MAGI2: variants seen among roughly 807,000 people sequenced by gnomAD.
The protein encoded by MAGI2 is membrane-associated guanylate kinase, WW and PDZ domain-containing protein 2.
Under a neutral mutation model 133.3 loss-of-function variants are expected in MAGI2, and 35 were observed. The observed-to-expected ratio is 0.26, with a 90% CI of 0.20 to 0.35. The LOEUF (loss-of-function observed/expected upper bound fraction) is 0.35. Ranked by LOEUF, MAGI2 falls within the 10% of genes least tolerant of loss-of-function variation. The pLI is 1.00. For synonymous variants in MAGI2, 729 were observed against 710.6 expected (o/e 1.03, Z -0.41); for missense variants, 1,636 against 1,863.4 (o/e 0.88, Z 2.25).
intron 20 of MAGI2, among the ~76,000 whole-genome samples, chr7:78,091,436 T>A (rs1053912952): frequency 6.6e-6 from 1 of 152,122 alleles, no homozygotes; most frequent in Non-Finnish European, 1.5e-5. Flanking sequence ...AGAAATAAAT[T>A]TCTCTACTTT....
chr7:78,218,471 A>C lies in MAGI2; in HGVS notation c.2048-17278T>G, dbSNP rs113160873. ...GTGAAGGCAGGGGCCATGCTTGTTAATAATTGTATTGTTAACAAGCATATT... is the reference window on the plus strand; with the variant it reads ...GTGAAGGCAGGGGCCATGCTTGTTACTAATTGTATTGTTAACAAGCATATT... On this transcript the variant is annotated intron_variant, in intron 10 of 21. Transcript: ENST00000354212. Among the ~76,000 whole-genome samples, 1,055 of 152,376 alleles carry C rather than the reference A, an allele frequency of 6.9e-3. 14 individuals carry two copies. Among genetic ancestry groups the C allele is most frequent in the Non-Finnish European group, 9.6e-3 (650 of 68,032 alleles).
intron 1 of MAGI2, among the ~76,000 whole-genome samples, chr7:79,451,996 A>G (rs2129208937): frequency 6.6e-6 from 1 of 152,240 alleles, no homozygotes; most frequent in East Asian, 1.9e-4. Flanking sequence ...AAAGACAGGG[A>G]GTTCTGGATG....
In MAGI2 at chr7:78,027,127, C is replaced by T. The variant is rs1011549980; in HGVS notation, c.3707-7151G>A. On this transcript the variant is annotated intron_variant, in intron 21 of 21. Transcript: ENST00000354212. ...TCTACAAACTCAGCTGAAACACTGA[C>T]GCTGAATGTCTTTACTGTCTGCTAG... Among the ~76,000 whole-genome samples, 5 of 152,160 alleles carry T rather than the reference C, an allele frequency of 3.3e-5. No individual in the cohort carries two copies. The South Asian group carries it at 6.2e-4, about 19-fold the overall frequency.
intron 20 of MAGI2, among the ~76,000 whole-genome samples, chr7:78,092,099 C>T (rs1211611836): frequency 2.6e-5 from 4 of 152,156 alleles, no homozygotes; most frequent in Non-Finnish European, 5.9e-5. Context: ...TCAGTGGGAT[C>T]ACCAATGTCC....
At chr7:78,415,208 T>G (rs1798191503) in intron 6 of MAGI2, among the ~76,000 whole-genome samples, 2 of 152,084 alleles carry the variant, frequency 1.3e-5, no homozygotes, top group Non-Finnish European at 2.9e-5. Flanking sequence ...CATAATTAAT[T>G]GATTTGGTAC....
chr7:78,802,545 A>G (rs1456522872), intron 2 of MAGI2, among the ~76,000 whole-genome samples: 1 of 152,174 alleles, frequency 6.6e-6, no homozygotes, highest in Non-Finnish European at 1.5e-5. Flanking sequence ...TCCCAGCTAA[A>G]CTAAGGGAAA....
intron 1 of MAGI2, among the ~76,000 whole-genome samples, chr7:79,045,754 T>C (rs1227805019): frequency 6.6e-6 from 1 of 152,128 alleles, no homozygotes; most frequent in Non-Finnish European, 1.5e-5. Flanking sequence ...ATCACGCCAC[T>C]GCACTCCAGC....
chr7:78,361,125 G>T (rs777694389), intron 7 of MAGI2, among the ~76,000 whole-genome samples: 2 of 152,170 alleles, frequency 1.3e-5, no homozygotes, highest in Non-Finnish European at 2.9e-5. Flanking sequence ...GCCAGGCGTG[G>T]TGGCTCACTC....
At chr7:78,885,437 G>C (rs1445072163) in intron 2 of MAGI2, among the ~76,000 whole-genome samples, 2 of 152,154 alleles carry the variant, frequency 1.3e-5, no homozygotes, top group Admixed American at 1.3e-4. Context: ...CTTTCAATGT[G>C]TCTTACACTA....
intron 6 of MAGI2, among the ~76,000 whole-genome samples, chr7:78,481,954 T>C (rs987659803): frequency 2.6e-5 from 4 of 151,882 alleles, no homozygotes; most frequent in Non-Finnish European, 4.4e-5. Flanking sequence ...AAGATCCTGT[T>C]AAGGGGATGG....
chr7:78,711,484 T>G (rs1279874991), intron 2 of MAGI2, among the ~76,000 whole-genome samples: 2 of 152,196 alleles, frequency 1.3e-5, no homozygotes, highest in African/African-American at 4.8e-5. Context: ...AATTTTGTCC[T>G]GTCTATATAC....
chr7:79,195,361 T>C (rs958052366), intron 1 of MAGI2, among the ~76,000 whole-genome samples: 2 of 152,056 alleles, frequency 1.3e-5, no homozygotes, highest in African/African-American at 4.8e-5. Context: ...ACACATTGCA[T>C]ACTGCTTCCT....
At chr7:79,310,903 TAAG>T (rs1423590661) in intron 1 of MAGI2, among the ~76,000 whole-genome samples, 1 of 151,484 alleles carries the variant, frequency 6.6e-6, no homozygotes, top group Non-Finnish European at 1.5e-5. Context: ...ATTATCACAT[TAAG>T]AAGTATTCCC....
At chr7:78,683,364 T>C (rs1815907031) in intron 2 of MAGI2, among the ~76,000 whole-genome samples, 3 of 152,104 alleles carry the variant, frequency 2.0e-5, no homozygotes, top group South Asian at 2.1e-4. Context: ...CTTGGTACCA[T>C]ATAAGGCAAA....
intron 2 of MAGI2, among the ~76,000 whole-genome samples, chr7:78,982,919 A>G (rs1804917782): frequency 6.6e-6 from 1 of 151,932 alleles, no homozygotes; most frequent in Non-Finnish European, 1.5e-5. Context: ...ATTATAGGAC[A>G]GGGTTTCCCT....
intron 10 of MAGI2, among the ~76,000 whole-genome samples, chr7:78,233,551 A>T (rs149311541): frequency 1.6e-3 from 244 of 152,226 alleles, no homozygotes; most frequent in African/African-American, 5.8e-3. Flanking sequence ...TGGTGGGGTA[A>T]ATGTAGGCCC....
chr7:78,163,129 AGTTT>A (rs548597970), intron 15 of MAGI2, among the ~76,000 whole-genome samples: 36 of 151,994 alleles, frequency 2.4e-4, no homozygotes, highest in African/African-American at 7.7e-4. Context: ...TAATTAGTTT[AGTTT>A]GTTTGTTTGT....
rs369408169 is a variant in MAGI2 at position 78,357,593 on chromosome 7, T to C, written c.1104-11550A>G. On this transcript the variant is annotated intron_variant, in intron 7 of 21. Transcript: ENST00000354212. ...GAGGGGCCCTGTCAACCTTCATAGCTGAGTGTTGTGCTTAGTGGAAAGTTG... is the reference window on the plus strand; with the variant it reads ...GAGGGGCCCTGTCAACCTTCATAGCCGAGTGTTGTGCTTAGTGGAAAGTTG... Among the ~76,000 whole-genome samples the C allele has an allele frequency of 3.1e-4, 47 of 152,356 alleles. 1 individual carries two copies. In the East Asian group the frequency reaches 4.4e-3, roughly 14 times the overall value.
chr7:78,672,888 A>G (rs886422122), intron 2 of MAGI2, among the ~76,000 whole-genome samples: 5 of 152,198 alleles, frequency 3.3e-5, no homozygotes, highest in African/African-American at 1.2e-4. Context: ...AGAGCCTAAG[A>G]AAACCAGAAC....
Sources: gnomAD v4.1 joint callset for allele counts (sites outside exome capture counted in the v4.1 genomes callset) on GRCh38, gnomAD v4.1.1 for gene constraint, MANE v1.5 for transcripts, NCBI Gene and HGNC (gene_info 2026-07-23, HGNC 2026-07-21) for gene names.